Variants in KCNH5 observed in about 807,000 individuals in gnomAD.
KCNH5 encodes the protein potassium voltage-gated channel subfamily H member 5, also known as voltage-gated delayed rectifier potassium channel KCNH5.
Under a neutral mutation model 96.1 loss-of-function variants are expected in KCNH5, and 46 were observed. The ratio of observed to expected loss-of-function variants is 0.48; its 90% CI spans 0.38 to 0.61. The LOEUF (loss-of-function observed/expected upper bound fraction) is 0.61, where lower values mean the gene tolerates loss of function less well. KCNH5 is among the 20% of genes least tolerant of loss of function. The probability of loss-of-function intolerance (pLI) is 0.00; values close to 1 mark genes in which losing one functional copy is unlikely to be tolerated. For missense variants in KCNH5, 907 were observed against 1,225.8 expected (o/e 0.74, Z 3.88); for synonymous variants, 439 against 449.8 (o/e 0.98, Z 0.30).
chr14:62,836,058 A>G (rs1331127280), intron 8 of KCNH5, among the ~76,000 whole-genome samples: 2 of 152,054 alleles, frequency 1.3e-5, no homozygotes, highest in African/African-American at 2.4e-5. Context: ...CACCAGGCCT[A>G]TTATTAATAT....
chr14:62,852,995 CACATCCGAAAAGA>C (rs1407271526), intron 7 of KCNH5, among the ~76,000 whole-genome samples: 4 of 152,182 alleles, frequency 2.6e-5, no homozygotes, highest in Non-Finnish European at 5.9e-5. Flanking sequence ...TTGGATCTAA[CACATCCGAAAAGA>C]AACTCAGTCT....
intron 6 of KCNH5, among the ~76,000 whole-genome samples, chr14:62,963,119 T>C (rs766032527): frequency 4.6e-5 from 7 of 152,168 alleles, no homozygotes; most frequent in Non-Finnish European, 8.8e-5. Flanking sequence ...AGGGTGAGTA[T>C]AGTAACAATG....
chr14:62,772,732 G>A (rs1421286776), intron 10 of KCNH5, among the ~76,000 whole-genome samples: 1 of 150,954 alleles, frequency 6.6e-6, no homozygotes, highest in East Asian at 1.9e-4. Context: ...GTATTGACAT[G>A]TTAACAGAGA....
At position 62,814,673 on chromosome 14, in the gene KCNH5, C is replaced by A. The variant is rs527850181; in HGVS notation, c.1570-12092G>T. ...TGGCAGGCACCTGTAGTCCTAGCTA[C>A]CCGGGAGGCTGAAGCAGGATAATCA... is the stretch of plus-strand genomic sequence containing the variant. On this transcript the variant is annotated intron_variant, in intron 8 of 10. Transcript: ENST00000322893. Among the ~76,000 whole-genome samples the A allele has an allele frequency of 1.6e-3, 236 of 148,500 alleles. 1 individual carries two copies. Among genetic ancestry groups the A allele is most frequent in the African/African-American group, 5.8e-3 (233 of 40,484 alleles).
chr14:62,967,967 A>C (rs1485624840), intron 6 of KCNH5, among the ~76,000 whole-genome samples: 1 of 152,206 alleles, frequency 6.6e-6, no homozygotes, highest in Non-Finnish European at 1.5e-5. Context: ...AAGGAAGCTC[A>C]ATGCTATCCT....
At chr14:62,961,629 T>C (rs1311812541) in intron 6 of KCNH5, among the ~76,000 whole-genome samples, 1 of 152,144 alleles carries the variant, frequency 6.6e-6, no homozygotes, top group Non-Finnish European at 1.5e-5. Context: ...AGTGAATTTG[T>C]CAGGGCTCTC....
At chr14:62,819,101 G>T (rs1250451581) in intron 8 of KCNH5, among the ~76,000 whole-genome samples, 2 of 152,006 alleles carry the variant, frequency 1.3e-5, no homozygotes, top group African/African-American at 2.4e-5. Flanking sequence ...CGAGTAGCTG[G>T]GACTACAGGT....
chr14:62,860,466 G>A (rs1189460118), intron 7 of KCNH5, among the ~76,000 whole-genome samples: 2 of 152,032 alleles, frequency 1.3e-5, no homozygotes, highest in East Asian at 3.9e-4. Flanking sequence ...AAAACTATCT[G>A]GGCAATATAG....
intron 7 of KCNH5, among the ~76,000 whole-genome samples, chr14:62,874,371 A>C (rs149497357): frequency 0.03 from 4,546 of 152,294 alleles, 88 homozygotes; most frequent in Non-Finnish European, 0.039. Flanking sequence ...AAAAAAGCTC[A>C]ACATCACTGA....
At chr14:62,839,761 C>T (rs1887538183) in intron 8 of KCNH5, among the ~76,000 whole-genome samples, 1 of 152,090 alleles carries the variant, frequency 6.6e-6, no homozygotes, top group African/African-American at 2.4e-5. Flanking sequence ...TGAATTCCCT[C>T]CTTACATTTG....
rs761523326 is a variant in KCNH5, at chr14:62,707,647, G to A, written c.2828C>T (p.Ser943Leu). The A allele has an allele frequency of 6.2e-5, 98 of 1,583,550 alleles. No homozygotes were observed. Among genetic ancestry groups the A allele is most frequent in the Middle Eastern group, 1.7e-4 (1 of 5,926 alleles). Residue 943 changes from serine (S) to leucine (L), a missense_variant, in exon 11 of 11, where the codon TCG becomes TTG. By Grantham distance (145) the Ser-to-Leu change is moderately radical (BLOSUM62 -2). Transcript: ENST00000322893. ...TGAGGCCTGGGGTACGCTTTTTTCC[G>A]ACAGTATTTTTAAAATTTCTGCCAC... ...KQVAEILKILSEKSVPQASSP... is the reference protein window; with the variant it reads ...KQVAEILKILLEKSVPQASSP...
At chr14:62,933,915 C>T (rs905895383) in intron 7 of KCNH5, among the ~76,000 whole-genome samples, 3 of 152,072 alleles carry the variant, frequency 2.0e-5, no homozygotes, top group Non-Finnish European at 4.4e-5. Context: ...GTGTTCCTTC[C>T]GGTTTATCTC....
Position 62,849,628 on chromosome 14 carries a change from AAATAATAAC to A in KCNH5, c.1569+16_1569+24del, listed in dbSNP as rs2140045429. 3 of 1,589,434 alleles carry A rather than the reference AAATAATAAC, an allele frequency of 1.9e-6. No homozygotes were observed. The highest frequency in any genetic ancestry group is 2.6e-6 in the Non-Finnish European group (3 of 1,158,972). ...TGAAGATCCTACTAAAATAGAAACT[AAATAATAAC>A]AATAATAACCCATACCTTTTCTGTA... On this transcript the variant is annotated intron_variant, in intron 8 of 10. Coordinates refer to ENST00000322893, the MANE Select transcript of KCNH5 (RefSeq NM_139318.5).
chr14:63,031,730 A>C (rs912265272), intron 1 of KCNH5, among the ~76,000 whole-genome samples: 1 of 152,178 alleles, frequency 6.6e-6, no homozygotes, highest in African/African-American at 2.4e-5. Context: ...GTATGTTGAA[A>C]ATTTGCTAAG....
intron 7 of KCNH5, among the ~76,000 whole-genome samples, chr14:62,875,283 T>A (rs541933737): frequency 6.6e-6 from 1 of 151,782 alleles, no homozygotes; most frequent in South Asian, 2.1e-4. Flanking sequence ...AATTTATAGA[T>A]TCAATGCCAT....
chr14:62,946,604 A>T (rs767433220), intron 7 of KCNH5, among the ~76,000 whole-genome samples: 5 of 152,014 alleles, frequency 3.3e-5, no homozygotes, highest in Non-Finnish European at 7.4e-5. Context: ...GTTTGCTGCA[A>T]TATCAACCCA....
chr14:62,703,912 C>T lies in KCNH5; in HGVS notation c.*3596G>A, dbSNP rs558630650. On this transcript the variant is annotated 3_prime_UTR_variant, in exon 11 of 11. Transcript: ENST00000322893. ...TGATGAATAATTTCACAAATATCTG[C>T]CACTGCACACTTCAAAACAGTCACT... 1 of 151,818 alleles carries T rather than the reference C, an allele frequency of 6.6e-6. No homozygotes were observed. Among genetic ancestry groups the T allele is most frequent in the Non-Finnish European group, 1.5e-5 (1 of 67,740 alleles). The allele number at this position is 151,818 out of a possible 1,614,324, so 9.4% of individuals were successfully genotyped here. A position where few individuals can be genotyped will look rare whatever the true frequency, so the allele number is the denominator to read the frequency against.
At chr14:62,752,325 G>A (rs1342931192) in intron 10 of KCNH5, among the ~76,000 whole-genome samples, 1 of 151,984 alleles carries the variant, frequency 6.6e-6, no homozygotes, top group Non-Finnish European at 1.5e-5. Context: ...GAAGAGGAGA[G>A]AAAAGAATGA....
chr14:63,027,047 GACA>G (rs1036629641), intron 1 of KCNH5, among the ~76,000 whole-genome samples: 1 of 152,012 alleles, frequency 6.6e-6, no homozygotes, highest in African/African-American at 2.4e-5. Flanking sequence ...TGTCATTTGT[GACA>G]ACATGGATGA....
Sources: gnomAD v4.1 joint callset for allele counts (sites outside exome capture counted in the v4.1 genomes callset) on GRCh38, gnomAD v4.1.1 for gene constraint, MANE v1.5 for transcripts, NCBI Gene and HGNC (gene_info 2026-07-23, HGNC 2026-07-21) for gene names.